CYFIP2: variants seen among roughly 807,000 people sequenced by gnomAD.
The protein encoded by CYFIP2 is cytoplasmic FMR1 interacting protein 2, also known as cytoplasmic FMR1-interacting protein 2.
In CYFIP2, 29 loss-of-function variants were observed where a neutral mutation model predicts 158.7. The observed-to-expected ratio is 0.18, with a 90% CI of 0.14 to 0.25. CYFIP2 has a LOEUF of 0.25. Ranked by LOEUF, CYFIP2 falls within the 10% of genes least tolerant of loss-of-function variation. The probability of loss-of-function intolerance (pLI) is 1.00; values close to 1 mark genes in which losing one functional copy is unlikely to be tolerated. For synonymous variants in CYFIP2, 585 were observed against 617.6 expected (o/e 0.95, Z 0.78); for missense variants, 852 against 1,639.5 (o/e 0.52, Z 8.29).
intron 6 of CYFIP2, 49 bp from the exon 7 acceptor site, chr5:157,302,745 C>T (rs377649604): frequency 2.2e-5 from 32 of 1,481,580 alleles, no homozygotes; most frequent in Non-Finnish European, 2.7e-5. Context: ...TGGTTTAGGC[C>T]GTTGCACTTG....
intron 16 of CYFIP2, among the ~76,000 whole-genome samples, chr5:157,324,567 C>A (rs10059490): frequency 0.47 from 71,336 of 151,932 alleles, 18,739 homozygotes; most frequent in African/African-American, 0.72. Flanking sequence ...CTGGCATTGA[C>A]AAGAGTGATT....
chr5:157,330,240 ATGTGTGTGTGTGTGTGTGTGTGTG>A (rs58447290), intron 19 of CYFIP2, among the ~76,000 whole-genome samples: 13 of 144,324 alleles, frequency 9.0e-5, no homozygotes, highest in East Asian at 2.0e-4. Context: ...GAGATTTAAA[ATGTGTGTGTGTGTGTGTGTGTGTG>A]TGTGTGTGTG....
intron 23 of CYFIP2, among the ~76,000 whole-genome samples, chr5:157,349,621 G>A (rs1009012948): frequency 5.3e-5 from 8 of 152,184 alleles, no homozygotes; most frequent in African/African-American, 1.2e-4. Flanking sequence ...TTTCCTCTGG[G>A]TAGATACCCA....
At chr5:157,284,892 A>G (rs1757254849) in intron 1 of CYFIP2, among the ~76,000 whole-genome samples, 1 of 152,238 alleles carries the variant, frequency 6.6e-6, no homozygotes, top group Non-Finnish European at 1.5e-5. Flanking sequence ...ACGATCCTGG[A>G]TAATTGTATT....
At chr5:157,358,752 G>T (rs1186833528) in intron 23 of CYFIP2, among the ~76,000 whole-genome samples, 4 of 152,190 alleles carry the variant, frequency 2.6e-5, no homozygotes, top group Non-Finnish European at 5.9e-5. Flanking sequence ...CTGTAAAAGG[G>T]GTATTTGCTT....
chr5:157,339,095 T>C lies in CYFIP2; in HGVS notation c.2424T>C (p.His808=), dbSNP rs1427768030. 1.9e-6 allele frequency: 3 copies of C among 1,613,372 alleles called. No homozygotes were observed. The highest frequency in any genetic ancestry group is 8.5e-7 in the Non-Finnish European group (1 of 1,179,732). ...EWLLEINRLT[H]RLLCKHMTLD... ...TGCTGGAGATTAACCGGCTCACGCA[T>C]CGGCTGCTCTGTAAGCATATGACGC... Residue 808 remains histidine (H), a synonymous_variant, in exon 22 of 31, where the codon CAT becomes CAC. Transcript: ENST00000620254.
intron 23 of CYFIP2, among the ~76,000 whole-genome samples, chr5:157,348,346 C>T (rs774960527): frequency 1.3e-5 from 2 of 152,200 alleles, no homozygotes; most frequent in African/African-American, 2.4e-5. Context: ...TCCCAAGGCT[C>T]AGGAGATCCT....
intron 25 of CYFIP2, 49 bp downstream of exon 25, chr5:157,360,421 G>A (rs1320905783): frequency 1.3e-6 from 2 of 1,491,410 alleles, no homozygotes; most frequent in Non-Finnish European, 9.2e-7. Flanking sequence ...GGGGAGGGAG[G>A]CTCTGACCAT....
chr5:157,293,011 TATGTATGTATG>T (rs1757951129), intron 3 of CYFIP2, among the ~76,000 whole-genome samples: 1 of 36,128 alleles, frequency 2.8e-5, no homozygotes, highest in African/African-American at 2.6e-4. Flanking sequence ...TGAGCCCAGA[TATGTATGTATG>T]TATGTATGTA....
chr5:157,388,333 G>A (rs1270732591), intron 28 of CYFIP2, among the ~76,000 whole-genome samples: 1 of 152,180 alleles, frequency 6.6e-6, no homozygotes, highest in African/African-American at 2.4e-5. Flanking sequence ...TGAAAAGCCA[G>A]TTTACATTAT....
intron 26 of CYFIP2, among the ~76,000 whole-genome samples, chr5:157,367,751 CTTTTTTTT>C (rs373446663): frequency 4.9e-5 from 6 of 123,574 alleles, no homozygotes; most frequent in African/African-American, 9.2e-5. Flanking sequence ...CCTCTGTTCA[CTTTTTTTT>C]TTTTTTTTTT....
At chr5:157,373,607 G>A (rs533694388) in intron 26 of CYFIP2, among the ~76,000 whole-genome samples, 1 of 152,138 alleles carries the variant, frequency 6.6e-6, no homozygotes, top group Non-Finnish European at 1.5e-5. Context: ...TAAAAAGGAT[G>A]TAGGATAACT....
At chr5:157,304,589 A>C (rs1287405310) in intron 8 of CYFIP2, 1 of 431,336 alleles carries the variant, frequency 2.3e-6, no homozygotes, top group Non-Finnish European at 4.1e-6. Context: ...ATGTGTAATG[A>C]CTGCCAAGTA....
chr5:157,274,008 G>T (rs1022336110), intron 1 of CYFIP2, among the ~76,000 whole-genome samples: 4 of 151,954 alleles, frequency 2.6e-5, no homozygotes, highest in African/African-American at 9.7e-5. Flanking sequence ...GGTGGCAGGT[G>T]CCTGTAATTC....
chr5:157,383,154 C>T (rs936876242), intron 27 of CYFIP2, 111 bp from the exon 28 acceptor site: 48 of 884,948 alleles, frequency 5.4e-5, no homozygotes, highest in Non-Finnish European at 7.7e-5. Flanking sequence ...CCACACACTC[C>T]ATCCCATTTT....
chr5:157,382,025 C>CT (rs1380333869), intron 26 of CYFIP2, among the ~76,000 whole-genome samples: 2 of 152,208 alleles, frequency 1.3e-5, no homozygotes, highest in Admixed American at 6.5e-5. Flanking sequence ...TGTATGTTTG[C>CT]TTTTAAGTTT....
chr5:157,367,288 G>T (rs940387442), intron 26 of CYFIP2, among the ~76,000 whole-genome samples: 1 of 152,142 alleles, frequency 6.6e-6, no homozygotes, highest in African/African-American at 2.4e-5. Context: ...AGCATTTCTG[G>T]ACTATATTCC....
At position 157,392,853 on chromosome 5, in the gene CYFIP2, C is replaced by T; in HGVS notation, c.3615C>T (p.Asp1205=). 6.2e-7 allele frequency: 1 copy of T among 1,613,864 alleles called. No homozygotes were observed. The highest frequency in any genetic ancestry group is 8.5e-7 in the Non-Finnish European group (1 of 1,179,844). Reference sequence around the variant, plus strand: ...TGTAGCCCCTGAAGAAGATGGCCGACCGGATCAGGAAGTATCAGATCTTGA... The same window carrying T: ...TGTAGCCCCTGAAGAAGATGGCCGATCGGATCAGGAAGTATCAGATCTTGA... ...IKNVPLKKMA[D]RIRKYQILNN... Residue 1205 remains aspartate (D), a synonymous_variant, in exon 31 of 31, where the codon GAC becomes GAT. Coordinates refer to ENST00000620254, the MANE Select transcript of CYFIP2 (RefSeq NM_001037333.3).
At chr5:157,275,253 C>T (rs1449193930) in intron 1 of CYFIP2, among the ~76,000 whole-genome samples, 1 of 152,078 alleles carries the variant, frequency 6.6e-6, no homozygotes, top group African/African-American at 2.4e-5. Flanking sequence ...TTCAAGGTCA[C>T]AAAGATGTAC....
Sources: allele counts gnomAD v4.1 joint callset (sites outside exome capture counted in the v4.1 genomes callset), GRCh38; gene constraint gnomAD v4.1.1; transcripts MANE v1.5; gene names NCBI Gene and HGNC (gene_info 2026-07-23, HGNC 2026-07-21).